The following EXOC6B variants were observed in gnomAD, a reference collection of about 807,000 sequenced individuals.
The protein encoded by EXOC6B is SEC15 homolog B.
EXOC6B carries 54 observed loss-of-function variants against 113.5 expected under a neutral mutation model. That is an observed-to-expected ratio of 0.48 (90% confidence interval 0.38 to 0.60). The LOEUF is 0.60. EXOC6B is among the 20% of genes least tolerant of loss of function. EXOC6B has a pLI of 0.00. For synonymous variants in EXOC6B, 357 were observed against 339.0 expected, an observed-to-expected ratio of 1.05 and a Z score of -0.58; for missense variants, 797 against 977.5, an observed-to-expected ratio of 0.82 and a Z score of 2.46.
intron 6 of EXOC6B, among the ~76,000 whole-genome samples, chr2:72,647,313 A>G (rs144371644): frequency 4.6e-5 from 7 of 152,286 alleles, no homozygotes; most frequent in Non-Finnish European, 1.0e-4. Flanking sequence ...CAATGCTCAT[A>G]GATAGGAAGA....
chr2:72,222,176 C>A lies in EXOC6B; in HGVS notation c.2197-37989G>T, dbSNP rs553883960. ...CTGTTCTGTTTTTTGCTGGATCCCACTACCTGGTGTGTTCTAGGTACTTGA... is the reference window on the plus strand; with the variant it reads ...CTGTTCTGTTTTTTGCTGGATCCCAATACCTGGTGTGTTCTAGGTACTTGA... On this transcript the variant is annotated intron_variant, in intron 20 of 21. Coordinates refer to ENST00000272427, the MANE Select transcript of EXOC6B (RefSeq NM_015189.3). Among the ~76,000 whole-genome samples the A allele has an allele frequency of 5.7e-4, 87 of 152,302 alleles. 1 individual carries two copies. In the South Asian group the frequency reaches 0.018, roughly 31 times the overall value.
At chr2:72,480,518 T>A in intron 17 of EXOC6B, 98 bp downstream of exon 17, 1 of 1,099,448 alleles carries the variant, frequency 9.1e-7, no homozygotes, top group Non-Finnish European at 1.2e-6. Flanking sequence ...CTCAAGAGCA[T>A]GTTATAAACC....
At chr2:72,742,040 G>A (rs1484832796) in intron 1 of EXOC6B, among the ~76,000 whole-genome samples, 2 of 152,134 alleles carry the variant, frequency 1.3e-5, no homozygotes, top group Non-Finnish European at 2.9e-5. Flanking sequence ...AGCCTCAGCT[G>A]CTGATCTGAC....
At chr2:72,553,881 G>A (rs1183791210) in intron 8 of EXOC6B, among the ~76,000 whole-genome samples, 1 of 152,028 alleles carries the variant, frequency 6.6e-6, no homozygotes, top group East Asian at 1.9e-4. Context: ...AATTTGAAAA[G>A]AGCCTCTATT....
intron 16 of EXOC6B, among the ~76,000 whole-genome samples, chr2:72,481,545 G>A (rs1215797049): frequency 3.9e-5 from 6 of 152,188 alleles, no homozygotes; most frequent in Non-Finnish European, 1.5e-5. Context: ...GAACAGAGAT[G>A]TTAGGAGAGA....
chr2:72,293,576 G>C (rs929270299), intron 20 of EXOC6B, among the ~76,000 whole-genome samples: 2 of 152,098 alleles, frequency 1.3e-5, no homozygotes, highest in East Asian at 3.8e-4. Flanking sequence ...TCTGAGATGG[G>C]CCATCCACAC....
intron 20 of EXOC6B, among the ~76,000 whole-genome samples, chr2:72,305,203 G>A (rs529861607): frequency 2.0e-5 from 3 of 152,218 alleles, no homozygotes; most frequent in East Asian, 1.9e-4. Context: ...ATTTGTCCAA[G>A]GTCATACTGC....
intron 6 of EXOC6B, among the ~76,000 whole-genome samples, chr2:72,668,019 C>A (rs1344391410): frequency 6.6e-6 from 1 of 152,018 alleles, no homozygotes; most frequent in Non-Finnish European, 1.5e-5. Flanking sequence ...AATCAACAAC[C>A]AAAAAACCAA....
intron 18 of EXOC6B, among the ~76,000 whole-genome samples, chr2:72,439,196 T>C (rs952637408): frequency 1.3e-5 from 2 of 152,154 alleles, no homozygotes; most frequent in African/African-American, 4.8e-5. Context: ...ATATGTAAGG[T>C]TTTTTAAAGA....
At chr2:72,207,592 T>C (rs1325501881) in intron 20 of EXOC6B, among the ~76,000 whole-genome samples, 1 of 152,232 alleles carries the variant, frequency 6.6e-6, no homozygotes, top group Non-Finnish European at 1.5e-5. Flanking sequence ...GGTAAATTCC[T>C]GGAAGCAGAA....
At chr2:72,335,577 C>G (rs1688650125) in intron 19 of EXOC6B, among the ~76,000 whole-genome samples, 1 of 151,444 alleles carries the variant, frequency 6.6e-6, no homozygotes, top group Admixed American at 6.6e-5. Context: ...CACACACACA[C>G]ACACACACAC....
intron 6 of EXOC6B, among the ~76,000 whole-genome samples, chr2:72,671,427 G>A (rs1046563862): frequency 2.6e-5 from 4 of 152,182 alleles, no homozygotes; most frequent in Non-Finnish European, 5.9e-5. Flanking sequence ...GGGCACTGTG[G>A]CTCAAGCCTG....
At chr2:72,443,185 C>T (rs553413906) in intron 18 of EXOC6B, among the ~76,000 whole-genome samples, 6 of 151,780 alleles carry the variant, frequency 4.0e-5, no homozygotes, top group Admixed American at 6.6e-5. Context: ...ATTAGCCAGG[C>T]GTGGTGGCGC....
At chr2:72,426,544 T>C (rs1159578518) in intron 18 of EXOC6B, among the ~76,000 whole-genome samples, 1 of 152,256 alleles carries the variant, frequency 6.6e-6, no homozygotes, top group East Asian at 1.9e-4. Context: ...ATTAGTGTGC[T>C]TGAGTTTCTC....
At chr2:72,452,471 G>T (rs1696976342) in intron 18 of EXOC6B, among the ~76,000 whole-genome samples, 2 of 152,034 alleles carry the variant, frequency 1.3e-5, no homozygotes, top group Non-Finnish European at 2.9e-5. Context: ...ATATCTACAG[G>T]AGTTCACAAG....
At chr2:72,269,338 T>C (rs374132291) in intron 20 of EXOC6B, among the ~76,000 whole-genome samples, 1 of 152,128 alleles carries the variant, frequency 6.6e-6, no homozygotes, top group Non-Finnish European at 1.5e-5. Context: ...AACACATATA[T>C]TGGGTGTAAA....
At position 72,304,696 on chromosome 2, in the gene EXOC6B, T is replaced by C. The variant is rs11900600; in HGVS notation, c.2196+30251A>G. 3.8e-3 allele frequency among the ~76,000 whole-genome samples: 585 copies of C among 152,268 alleles called. 11 individuals are homozygous for C. The highest frequency in any genetic ancestry group is 0.014 in the African/African-American group (572 of 41,564). ...AACCTCTAGTAAAAAATACTCTTCA[T>C]GGTATGAAAAGGTTAGTTAACTGTG... On this transcript the variant is annotated intron_variant, in intron 20 of 21. Coordinates refer to ENST00000272427, the MANE Select transcript of EXOC6B (RefSeq NM_015189.3).
At chr2:72,503,937 T>A (rs1700469608) in intron 11 of EXOC6B, among the ~76,000 whole-genome samples, 1 of 152,108 alleles carries the variant, frequency 6.6e-6, no homozygotes, top group African/African-American at 2.4e-5. Context: ...AGACAGGGTC[T>A]CACTCTGTCT....
At chr2:72,267,319 G>A (rs1353150795) in intron 20 of EXOC6B, among the ~76,000 whole-genome samples, 29 of 152,060 alleles carry the variant, frequency 1.9e-4, no homozygotes, top group Non-Finnish European at 3.5e-4. Flanking sequence ...GAGAGAGGGC[G>A]TCTCTGTCTT....
Sources: allele counts gnomAD v4.1 joint callset (sites outside exome capture counted in the v4.1 genomes callset), GRCh38; gene constraint gnomAD v4.1.1; transcripts MANE v1.5; gene names NCBI Gene and HGNC (gene_info 2026-07-23, HGNC 2026-07-21).